The following FNDC3B variants were observed in gnomAD, a reference collection of about 807,000 sequenced individuals.
The protein encoded by FNDC3B is fibronectin type III domain containing 3B, also known as fibronectin type III domain-containing protein 3B.
In FNDC3B, 12 loss-of-function variants were observed where a neutral mutation model predicts 151.5. That is an observed-to-expected ratio of 0.08 (90% CI 0.05 to 0.13). FNDC3B has a LOEUF of 0.13. Among genes scored for constraint, FNDC3B ranks in the 10% least tolerant of loss-of-function variants. The pLI, the probability that FNDC3B is intolerant of heterozygous loss-of-function variation, is 1.00. For synonymous variants in FNDC3B, 528 were observed against 549.0 expected (o/e 0.96, Z 0.54); for missense variants, 1,214 against 1,505.3 (o/e 0.81, Z 3.20).
rs1475547186 is a variant in FNDC3B, at chr3:172,040,792, C to T, written c.-29+1021C>T. ...TCACTCTCGGCAGAAAGTGGGGCCT[C>T]GGGCTGTGCCCGCGAACTTTCCCAG... On this transcript the variant is annotated intron_variant, in intron 1 of 25. Transcript: ENST00000415807. This position sits in a 1 kb window ranked among gnomAD's most constrained non-coding sequence, Gnocchi z 6.6. Among the ~76,000 whole-genome samples the T allele has an allele frequency of 6.6e-6, 1 of 152,064 alleles. No individual in the cohort carries two copies. The highest frequency in any genetic ancestry group is 2.4e-5 in the African/African-American group (1 of 41,448).
chr3:172,238,606 G>A (rs960669937), intron 4 of FNDC3B, among the ~76,000 whole-genome samples: 2 of 152,124 alleles, frequency 1.3e-5, no homozygotes, highest in African/African-American at 4.8e-5. Flanking sequence ...GTGAGAGTTG[G>A]CAGCACAAGG....
chr3:172,137,806 AG>A (rs1371234892), intron 3 of FNDC3B, among the ~76,000 whole-genome samples: 1 of 152,216 alleles, frequency 6.6e-6, no homozygotes, highest in Non-Finnish European at 1.5e-5. Flanking sequence ...GGGCCAAAAA[AG>A]GTCATAGTTT....
At chr3:172,260,448 G>A (rs1284420874) in intron 6 of FNDC3B, among the ~76,000 whole-genome samples, 1 of 152,240 alleles carries the variant, frequency 6.6e-6, no homozygotes, top group Non-Finnish European at 1.5e-5. Context: ...GAAAATAGGG[G>A]TAATTAATGG....
intron 1 of FNDC3B, among the ~76,000 whole-genome samples, chr3:172,095,608 T>C (rs1391451553): frequency 6.6e-6 from 1 of 152,234 alleles, no homozygotes; most frequent in Non-Finnish European, 1.5e-5. Flanking sequence ...TTGGCACAGA[T>C]GTGATCAGAT....
chr3:172,363,695 C>T (rs143260551), intron 23 of FNDC3B, among the ~76,000 whole-genome samples: 3 of 152,306 alleles, frequency 2.0e-5, no homozygotes, highest in African/African-American at 4.8e-5. Flanking sequence ...TGTTCCTTCA[C>T]GTATGGAACC....
intron 3 of FNDC3B, among the ~76,000 whole-genome samples, chr3:172,180,452 GCT>G (rs1232766736): frequency 6.6e-6 from 1 of 152,240 alleles, no homozygotes; most frequent in Non-Finnish European, 1.5e-5. Context: ...CAGGGGTCAT[GCT>G]GTGTGTGTGT....
intron 4 of FNDC3B, 148 bp downstream of exon 4, chr3:172,227,095 T>C (rs896675844): frequency 1.7e-5 from 10 of 596,332 alleles, no homozygotes; most frequent in Admixed American, 2.6e-5. Flanking sequence ...CCACATGGCG[T>C]TTCTTGTGTC....
chr3:172,045,984 T>C (rs1468291603), intron 1 of FNDC3B, among the ~76,000 whole-genome samples: 5 of 152,110 alleles, frequency 3.3e-5, no homozygotes, highest in African/African-American at 7.2e-5. Context: ...TGCCAGACCC[T>C]AGTAACAAGC....
chr3:172,239,792 A>G (rs1450341604), intron 4 of FNDC3B, among the ~76,000 whole-genome samples: 26 of 147,788 alleles, frequency 1.8e-4, no homozygotes, highest in South Asian at 6.3e-4. Flanking sequence ...AAAAAAAAAG[A>G]AAAAAAGCAA....
At position 172,227,792 on chromosome 3, in the gene FNDC3B, G is replaced by A. The variant is rs1290835169; in HGVS notation, c.264+845G>A. Among the ~76,000 whole-genome samples, 3 of 152,048 alleles carry A rather than the reference G, an allele frequency of 2.0e-5. No homozygotes were observed. In the East Asian group the frequency reaches 5.8e-4, roughly 29 times the overall value. ...ATAATCACTCTGCTAACATGTTTTT[G>A]ATTATATCCTTCCAGATGGATTTTT... On this transcript the variant is annotated intron_variant, in intron 4 of 25. Transcript: ENST00000415807.
intron 2 of FNDC3B, among the ~76,000 whole-genome samples, chr3:172,125,163 C>T (rs1415804820): frequency 1.3e-5 from 2 of 152,198 alleles, no homozygotes; most frequent in Non-Finnish European, 2.9e-5. Context: ...GGCCATTCCT[C>T]TTCATTATCT....
intron 3 of FNDC3B, chr3:172,186,886 G>A (rs1724215019): frequency 1.8e-6 from 1 of 548,084 alleles, no homozygotes; most frequent in Non-Finnish European, 3.2e-6. Context: ...AGTCAGTTCT[G>A]TGACTTGAGT....
chr3:172,070,290 A>ACCCCC (rs753579489), intron 1 of FNDC3B, among the ~76,000 whole-genome samples: 6,570 of 152,296 alleles, frequency 0.043, 197 homozygotes, highest in South Asian at 0.063. Flanking sequence ...ATCTGTCAAT[A>ACCCCC]GAGTGCAACC....
intron 19 of FNDC3B, 115 bp downstream of exon 19, chr3:172,344,373 A>T: frequency 1.2e-6 from 1 of 826,146 alleles, no homozygotes; most frequent in South Asian, 1.9e-5. Flanking sequence ...TGCAACCTTG[A>T]CAACCATTAA....
chr3:172,362,914 A>G (rs1037630090), intron 23 of FNDC3B, 69 bp downstream of exon 23: 3 of 1,253,058 alleles, frequency 2.4e-6, no homozygotes, highest in Middle Eastern at 2.3e-4. Flanking sequence ...TCTCAATTGT[A>G]CATTTTTATT....
intron 6 of FNDC3B, among the ~76,000 whole-genome samples, chr3:172,279,642 G>A (rs1729601955): frequency 6.6e-6 from 1 of 152,180 alleles, no homozygotes; most frequent in Non-Finnish European, 1.5e-5. Context: ...TTCTGGAATA[G>A]TTGTTTTTGG....
intron 4 of FNDC3B, among the ~76,000 whole-genome samples, chr3:172,238,156 T>A (rs1430812536): frequency 6.6e-6 from 1 of 152,154 alleles, no homozygotes; most frequent in East Asian, 1.9e-4. Flanking sequence ...GGTAATATAT[T>A]CAATTCTTCC....
intron 18 of FNDC3B, among the ~76,000 whole-genome samples, chr3:172,343,386 C>T (rs1029510874): frequency 2.6e-5 from 4 of 152,104 alleles, no homozygotes; most frequent in Non-Finnish European, 4.4e-5. Context: ...GGACACATTT[C>T]TAGGGAGTAT....
chr3:172,105,696 G>A (rs1434613726), intron 1 of FNDC3B, among the ~76,000 whole-genome samples: 1 of 151,192 alleles, frequency 6.6e-6, no homozygotes, highest in Non-Finnish European at 1.5e-5. Flanking sequence ...CAAGCAGTCT[G>A]TCTGCCTTGG....
Sources: gnomAD v4.1 joint callset for allele counts (sites outside exome capture counted in the v4.1 genomes callset) on GRCh38, gnomAD v4.1.1 for gene constraint, Gnocchi (gnomAD v3.1) non-coding constraint, MANE v1.5 for transcripts, NCBI Gene and HGNC (gene_info 2026-07-23, HGNC 2026-07-21) for gene names.